The following LONRF2 variants were observed in gnomAD, a reference collection of about 807,000 sequenced individuals.
LONRF2 encodes the protein LON peptidase N-terminal domain and RING finger protein 2.
In LONRF2, 35 loss-of-function variants were observed where a neutral mutation model predicts 66.6. The observed-to-expected ratio is 0.53, with a 90% confidence interval of 0.40 to 0.70. LONRF2 has a LOEUF of 0.70. Among genes scored for constraint, LONRF2 ranks in the 30% least tolerant of loss-of-function variants. The pLI is 0.00. For synonymous variants in LONRF2, 417 were observed against 418.1 expected, an observed-to-expected ratio of 1.00 and a Z score of 0.03; for missense variants, 902 against 1,002.1, an observed-to-expected ratio of 0.90 and a Z score of 1.35.
At position 100,275,194 on chromosome 2, in the gene LONRF2, A is replaced by G. The variant is rs1476387096; in HGVS notation, c.*9104T>C. 2.0e-5 allele frequency: 3 copies of G among 152,402 alleles called. No homozygotes were observed. The highest frequency in any genetic ancestry group is 6.5e-5 in the Admixed American group (1 of 15,298). 9.4% of individuals were successfully genotyped at this position (152,402 alleles called of 1,614,324 possible). A position where few individuals can be genotyped will look rare whatever the true frequency, so the allele number is the denominator to read the frequency against. ...AGGGTGATGTCAATCGCAGTCCCCTACACAGGACCTTCTGGGTATAATTGT... is the reference window on the plus strand; with the variant it reads ...AGGGTGATGTCAATCGCAGTCCCCTGCACAGGACCTTCTGGGTATAATTGT... On this transcript the variant is annotated 3_prime_UTR_variant, in exon 12 of 12. Transcript: ENST00000393437.
chr2:100,294,191 C>T, intron 9 of LONRF2, 38 bp downstream of exon 9: 2 of 1,599,504 alleles, frequency 1.3e-6, no homozygotes, highest in African/African-American at 2.7e-5. Flanking sequence ...CGATGCCCTT[C>T]ATTAGGACCC....
Position 100,276,298 on chromosome 2 carries a change from A to T in LONRF2, c.*8000T>A, listed in dbSNP as rs1477258009. 6.6e-6 allele frequency: 1 copy of T among 152,092 alleles called. No homozygotes were observed. The highest frequency in any genetic ancestry group is 1.5e-5 in the Non-Finnish European group (1 of 68,008). 9.4% of individuals were successfully genotyped at this position (152,092 alleles called of 1,614,324 possible). A position where few individuals can be genotyped will look rare whatever the true frequency, so the allele number is the denominator to read the frequency against. On this transcript the variant is annotated 3_prime_UTR_variant, in exon 12 of 12. Transcript: ENST00000393437. ...AGATCCCACTAAATCTAAACATTGT[A>T]CCCCTATAATCTTTTTAAAAAGGCA... is the stretch of plus-strand genomic sequence containing the variant.
Position 100,305,357 on chromosome 2 carries a change from C to T in LONRF2, c.799-2314G>A, listed in dbSNP as rs10188009. Among the ~76,000 whole-genome samples, 915 of 152,196 alleles carry T rather than the reference C, an allele frequency of 6.0e-3. 13 individuals carry two copies. The highest frequency in any genetic ancestry group is 0.046 in the East Asian group (240 of 5,186). ...TGTTTTCCCCTCTGGATTCACATGA[C>T]GACTTCACTCCTTCACTATTACCAG... On this transcript the variant is annotated intron_variant, in intron 2 of 11. Coordinates refer to ENST00000393437, the MANE Select transcript of LONRF2 (RefSeq NM_198461.4).
In LONRF2 at chr2:100,272,695, C is replaced by T. The variant is rs1674525024; in HGVS notation, c.*11603G>A. On this transcript the variant is annotated 3_prime_UTR_variant, in exon 12 of 12. Coordinates refer to ENST00000393437, the MANE Select transcript of LONRF2 (RefSeq NM_198461.4). Reference sequence around the variant, plus strand: ...TCTAAAAATTCCAAATAAATATATGCTTTCATAGTTAACTCAGTATTTGCA... The same window carrying T: ...TCTAAAAATTCCAAATAAATATATGTTTTCATAGTTAACTCAGTATTTGCA... Among the ~76,000 whole-genome samples, 1 of 152,016 alleles carries T rather than the reference C, an allele frequency of 6.6e-6. No homozygotes were observed. The highest frequency in any genetic ancestry group is 2.1e-4 in the South Asian group (1 of 4,818).
At chr2:100,292,914 T>C (rs1235037207) in intron 9 of LONRF2, among the ~76,000 whole-genome samples, 1 of 152,216 alleles carries the variant, frequency 6.6e-6, no homozygotes, top group Admixed American at 6.5e-5. Flanking sequence ...CTGGGCACCC[T>C]TTACTGAGTA....
At chr2:100,315,074 G>GA (rs1265948013) in intron 1 of LONRF2, among the ~76,000 whole-genome samples, 17 of 151,784 alleles carry the variant, frequency 1.1e-4, no homozygotes, top group African/African-American at 2.7e-4. Context: ...TGCAATCCAT[G>GA]AAAAAAAATG....
intron 4 of LONRF2, 101 bp from the exon 5 acceptor site, chr2:100,300,019 A>AGCG (rs1553540619): frequency 2.1e-5 from 8 of 382,978 alleles, no homozygotes; most frequent in African/African-American, 1.8e-4. Flanking sequence ...GGAAAAAAAA[A>AGCG]GGGGGGGGCA....
At chr2:100,302,809 C>T (rs780903320) in intron 3 of LONRF2, 112 bp downstream of exon 3, 218 of 1,106,492 alleles carry the variant, frequency 2.0e-4, no homozygotes, top group Non-Finnish European at 2.1e-4. Context: ...TGCATTATCA[C>T]GAACATTCAG....
chr2:100,314,361 T>C (rs1280938318), intron 1 of LONRF2, among the ~76,000 whole-genome samples: 4 of 152,236 alleles, frequency 2.6e-5, no homozygotes, highest in Admixed American at 2.6e-4. Context: ...TGCAGTCTTT[T>C]AGATGTTAAT....
At chr2:100,301,773 G>A (rs1675190188) in intron 3 of LONRF2, among the ~76,000 whole-genome samples, 2 of 152,240 alleles carry the variant, frequency 1.3e-5, no homozygotes, top group Admixed American at 1.3e-4. Flanking sequence ...TTTGACCTTG[G>A]ACTGACTTTC....
At chr2:100,295,400 T>G (rs1400220145) in intron 8 of LONRF2, 32 bp downstream of exon 8, 1 of 1,595,928 alleles carries the variant, frequency 6.3e-7, no homozygotes, top group African/African-American at 1.4e-5. Context: ...AATCTGAACT[T>G]AAGACCAAGG....
chr2:100,294,155 A>T (rs1257237334), intron 9 of LONRF2, 74 bp downstream of exon 9: 1 of 1,563,970 alleles, frequency 6.4e-7, no homozygotes, highest in Non-Finnish European at 8.7e-7. Flanking sequence ...CATCAGCCTA[A>T]ATCATTCTGC....
chr2:100,305,041 T>C (rs1237850104), intron 2 of LONRF2, among the ~76,000 whole-genome samples: 1 of 152,126 alleles, frequency 6.6e-6, no homozygotes, highest in Non-Finnish European at 1.5e-5. Flanking sequence ...TTCTCTGCTT[T>C]TAGGGATTCC....
rs533121141 is a variant in LONRF2, at chr2:100,276,889, G to A, written c.*7409C>T. 3.9e-5 allele frequency: 6 copies of A among 152,314 alleles called. No homozygotes were observed. In the East Asian group the frequency reaches 9.6e-4, roughly 24 times the overall value. The allele number at this position is 152,314 out of a possible 1,614,324, so 9.4% of individuals were successfully genotyped here. On this transcript the variant is annotated 3_prime_UTR_variant, in exon 12 of 12. Coordinates refer to ENST00000393437, the MANE Select transcript of LONRF2 (RefSeq NM_198461.4). The stretch of plus-strand genomic sequence containing the variant: ...GCAGGCCACCCACAGGGAGCTCCAC[G>A]GCTTTGCCATGGCACACAATGTCTG...
chr2:100,297,367 G>A (rs936034454), intron 7 of LONRF2, among the ~76,000 whole-genome samples: 1 of 151,768 alleles, frequency 6.6e-6, no homozygotes, highest in African/African-American at 2.4e-5. Flanking sequence ...TCTATCTCCC[G>A]CCCTTGTGAC....
intron 7 of LONRF2, among the ~76,000 whole-genome samples, chr2:100,296,439 T>A (rs542192738): frequency 6.6e-6 from 1 of 152,320 alleles, no homozygotes; most frequent in South Asian, 2.1e-4. Flanking sequence ...CACCATGGCA[T>A]AGCGAGGACC....
chr2:100,279,074 G>T lies in LONRF2; in HGVS notation c.*5224C>A. ...CCCTGGGGGAGGAGCACCCACCCCC[G>T]GTGCCTTCTCCTACCACCCCAGCCT... On this transcript the variant is annotated 3_prime_UTR_variant, in exon 12 of 12. Coordinates refer to ENST00000393437, the MANE Select transcript of LONRF2 (RefSeq NM_198461.4). 1 of 151,854 alleles carries T rather than the reference G, an allele frequency of 6.6e-6. No homozygotes were observed. The allele number at this position is 151,854 out of a possible 1,614,324, so 9.4% of individuals were successfully genotyped here.
chr2:100,295,814 G>T (rs1278402216), intron 7 of LONRF2, among the ~76,000 whole-genome samples: 1 of 152,174 alleles, frequency 6.6e-6, no homozygotes, highest in African/African-American at 2.4e-5. Flanking sequence ...TCAACCAAGT[G>T]CCATGATGTT....
At position 100,300,942 on chromosome 2, in the gene LONRF2, T is replaced by C. The variant is rs994452892; in HGVS notation, c.922-155A>G. ...CTGCCAACCTTTTAAAATCCAAACA[T>C]TTTTGAAACCAGAGTCAATATTTTA... On this transcript the variant is annotated intron_variant, in intron 3 of 11. Transcript: ENST00000393437. 5.9e-5 allele frequency among the ~76,000 whole-genome samples: 9 copies of C among 152,198 alleles called. No homozygotes were observed. In the East Asian group the frequency reaches 1.7e-3, roughly 29 times the overall value.
Sources: gnomAD v4.1 joint callset for allele counts (sites outside exome capture counted in the v4.1 genomes callset) on GRCh38, gnomAD v4.1.1 for gene constraint, MANE v1.5 for transcripts, NCBI Gene and HGNC (gene_info 2026-07-23, HGNC 2026-07-21) for gene names.